Variants in ZNF277 observed in about 807,000 individuals in gnomAD.
ZNF277 encodes the protein nuclear receptor-interacting factor 4.
A neutral mutation model predicts 60.7 loss-of-function variants in ZNF277; 55 were observed. That is an observed-to-expected ratio of 0.91 (90% CI 0.73 to 1.13). ZNF277 has a LOEUF of 1.13. Ranked by LOEUF, ZNF277 falls within the 50% of genes most tolerant of loss-of-function variation. The pLI is 0.00. For missense variants in ZNF277, 510 were observed against 523.0 expected (o/e 0.98, Z 0.24); for synonymous variants, 178 against 179.3 (o/e 0.99, Z 0.06).
chr7:112,237,779 G>A (rs1790839124), intron 1 of ZNF277, among the ~76,000 whole-genome samples: 2 of 152,066 alleles, frequency 1.3e-5, no homozygotes, highest in Non-Finnish European at 2.9e-5. Context: ...TACCAAAACT[G>A]TTACAAAAAG....
At chr7:112,295,011 G>A (rs929999272) in intron 2 of ZNF277, among the ~76,000 whole-genome samples, 1 of 151,530 alleles carries the variant, frequency 6.6e-6, no homozygotes, top group Non-Finnish European at 1.5e-5. Flanking sequence ...TCTTTTTTTG[G>A]TTCTTTGGTG....
intron 1 of ZNF277, among the ~76,000 whole-genome samples, chr7:112,259,305 A>AT (rs1261604251): frequency 6.6e-6 from 1 of 152,148 alleles, no homozygotes; most frequent in Non-Finnish European, 1.5e-5. Context: ...ACTGATGGAG[A>AT]TTTTGTTACT....
chr7:112,247,822 G>A (rs544239688), intron 1 of ZNF277, among the ~76,000 whole-genome samples: 1 of 151,924 alleles, frequency 6.6e-6, no homozygotes, highest in African/African-American at 2.4e-5. Context: ...ACAAAAATTA[G>A]CCAGGCATGG....
intron 4 of ZNF277, among the ~76,000 whole-genome samples, chr7:112,302,131 A>T (rs373547877): frequency 2.0e-5 from 3 of 152,164 alleles, no homozygotes; most frequent in South Asian, 4.1e-4. Flanking sequence ...CACTATTTCA[A>T]ATGTCAGCTT....
chr7:112,214,550 T>C (rs1821833354), intron 1 of ZNF277, among the ~76,000 whole-genome samples: 1 of 152,206 alleles, frequency 6.6e-6, no homozygotes, highest in Non-Finnish European at 1.5e-5. Flanking sequence ...TCTTCTGTTT[T>C]TCTTTACTTC....
intron 7 of ZNF277, among the ~76,000 whole-genome samples, chr7:112,334,727 T>C (rs1793297563): frequency 6.6e-6 from 1 of 152,134 alleles, no homozygotes. Flanking sequence ...CCCTTATCAT[T>C]CAGAATGATC....
chr7:112,297,174 A>G (rs1002852758), intron 4 of ZNF277, among the ~76,000 whole-genome samples: 5 of 151,472 alleles, frequency 3.3e-5, no homozygotes, highest in Non-Finnish European at 7.4e-5. Flanking sequence ...TGATCTGCCC[A>G]CCTCAGTCTC....
intron 5 of ZNF277, among the ~76,000 whole-genome samples, chr7:112,326,363 C>T (rs1793093038): frequency 6.6e-6 from 1 of 150,930 alleles, no homozygotes; most frequent in African/African-American, 2.4e-5. Flanking sequence ...TGCCTGACAC[C>T]CTTCCCCCAC....
chr7:112,302,306 T>G (rs1231765481), intron 4 of ZNF277, among the ~76,000 whole-genome samples: 1 of 152,088 alleles, frequency 6.6e-6, no homozygotes, highest in Non-Finnish European at 1.5e-5. Flanking sequence ...TATCTCCCAC[T>G]GAGAAGATTG....
At chr7:112,253,778 G>A (rs965725602) in intron 1 of ZNF277, among the ~76,000 whole-genome samples, 1 of 152,142 alleles carries the variant, frequency 6.6e-6, no homozygotes, top group Non-Finnish European at 1.5e-5. Flanking sequence ...TAAAGATGGA[G>A]AGATCTATAT....
At chr7:112,208,540 C>T (rs931644844) in intron 1 of ZNF277, among the ~76,000 whole-genome samples, 2 of 150,498 alleles carry the variant, frequency 1.3e-5, no homozygotes, top group Non-Finnish European at 2.9e-5. Context: ...CACCACTCCC[C>T]GAGTATTAAG....
Position 112,339,081 on chromosome 7 carries a change from T to G in ZNF277, c.967-762T>G, listed in dbSNP as rs73426417. On this transcript the variant is annotated intron_variant, in intron 9 of 11. Transcript: ENST00000361822. ...GTGAGTGAAGAGAAGCTTTGAGGTT[T>G]AAACAGTGTATTTGACAGCATAAAA... is the stretch of plus-strand genomic sequence containing the variant. Among the ~76,000 whole-genome samples, 1,228 of 152,356 alleles carry G rather than the reference T, an allele frequency of 8.1e-3. 11 individuals are homozygous for G. The highest frequency in any genetic ancestry group is 0.028 in the African/African-American group (1,153 of 41,592).
At chr7:112,269,698 T>C (rs1791626502) in intron 1 of ZNF277, among the ~76,000 whole-genome samples, 1 of 152,148 alleles carries the variant, frequency 6.6e-6, no homozygotes, top group Non-Finnish European at 1.5e-5. Flanking sequence ...TTCTAGGTCC[T>C]TTCTAGCTGT....
At chr7:112,308,511 T>C (rs1792651146) in intron 4 of ZNF277, among the ~76,000 whole-genome samples, 1 of 150,054 alleles carries the variant, frequency 6.7e-6, no homozygotes, top group Admixed American at 6.6e-5. Flanking sequence ...AGCAAGATTA[T>C]GTCTTAAAAA....
At chr7:112,266,787 G>A (rs929657321) in intron 1 of ZNF277, among the ~76,000 whole-genome samples, 1 of 151,770 alleles carries the variant, frequency 6.6e-6, no homozygotes, top group Non-Finnish European at 1.5e-5. Flanking sequence ...GGTTTTTTTC[G>A]GTTTCGAAAT....
At chr7:112,255,060 G>C (rs1249890473) in intron 1 of ZNF277, among the ~76,000 whole-genome samples, 3 of 152,118 alleles carry the variant, frequency 2.0e-5, no homozygotes, top group Non-Finnish European at 4.4e-5. Flanking sequence ...CTATAAAAGT[G>C]TGTGGTTTTT....
intron 4 of ZNF277, among the ~76,000 whole-genome samples, chr7:112,317,965 T>G (rs903291477): frequency 3.3e-5 from 5 of 152,106 alleles, no homozygotes; most frequent in African/African-American, 9.7e-5. Context: ...TTGATTTTAA[T>G]TCCCACATAG....
intron 11 of ZNF277, 55 bp downstream of exon 11, chr7:112,341,101 C>T: frequency 6.8e-7 from 1 of 1,471,800 alleles, no homozygotes; most frequent in Non-Finnish European, 9.0e-7. Context: ...TGATTTTGTC[C>T]CTTTATTTAA....
intron 1 of ZNF277, among the ~76,000 whole-genome samples, chr7:112,242,640 T>G (rs1790988835): frequency 6.7e-6 from 1 of 149,912 alleles, no homozygotes; most frequent in Non-Finnish European, 1.5e-5. Flanking sequence ...CAAGGAAAAC[T>G]ATGAAACACT....
Sources: gnomAD v4.1 joint callset for allele counts (sites outside exome capture counted in the v4.1 genomes callset) on GRCh38, gnomAD v4.1.1 for gene constraint, MANE v1.5 for transcripts, NCBI Gene and HGNC (gene_info 2026-07-23, HGNC 2026-07-21) for gene names.